The following XKR9 variants were observed in gnomAD, a reference collection of about 807,000 sequenced individuals.
XKR9 encodes XK-related protein 9.
XKR9 carries 32 observed loss-of-function variants against 32.0 expected under a neutral mutation model. The ratio of observed to expected loss-of-function variants is 1.00; its 90% CI spans 0.76 to 1.34. The LOEUF is 1.34. Among genes scored for constraint, XKR9 ranks in the 40% most tolerant of loss-of-function variants. The pLI is 0.00. For synonymous variants in XKR9, 168 were observed against 143.4 expected, an observed-to-expected ratio of 1.17 and a Z score of -1.22; for missense variants, 546 against 429.7, an observed-to-expected ratio of 1.27 and a Z score of -2.39.
At chr8:70,854,554 T>C in the XKR9 span, among the ~76,000 whole-genome samples, 1 of 152,222 alleles carries the variant, frequency 6.6e-6, no homozygotes, top group African/African-American at 2.4e-5. Context: ...ATTTTGTCTT[T>C]TGTTGCAATT....
In XKR9 at chr8:70,721,961, CT is replaced by C. The variant is rs560295325; in HGVS notation, c.494-11832del. On this transcript the variant is annotated intron_variant, in intron 4 of 4. Transcript: ENST00000408926. ...CTCTTTGTACATCTCTAAGAACTTG[CT>C]TTATGAATCTGGATGCTCCTGAATT... Among the ~76,000 whole-genome samples, 308 of 152,216 alleles carry C rather than the reference CT, an allele frequency of 2.0e-3. 1 individual carries two copies. The highest frequency in any genetic ancestry group is 7.1e-3 in the African/African-American group (295 of 41,528).
intron 3 of XKR9, among the ~76,000 whole-genome samples, chr8:70,696,096 G>A (rs1805264718): frequency 6.6e-6 from 1 of 151,094 alleles, no homozygotes; most frequent in African/African-American, 2.4e-5. Context: ...TTTGTCAGAT[G>A]AGTAGGTTGC....
At chr8:70,955,107 C>T in the XKR9 span, among the ~76,000 whole-genome samples, 3 of 152,236 alleles carry the variant, frequency 2.0e-5, no homozygotes, top group Admixed American at 1.3e-4. Context: ...TCAATTCCAA[C>T]TTCACCCGTG....
At chr8:70,854,182 G>A in the XKR9 span, among the ~76,000 whole-genome samples, 1 of 152,248 alleles carries the variant, frequency 6.6e-6, no homozygotes, top group South Asian at 2.1e-4. Flanking sequence ...ATCCTCTCCA[G>A]CACCTGTTGT....
chr8:71,047,288 C>T, the XKR9 span, among the ~76,000 whole-genome samples: 1 of 152,200 alleles, frequency 6.6e-6, no homozygotes, highest in Non-Finnish European at 1.5e-5. Context: ...TTGACTTTTA[C>T]TTTCTAATTA....
chr8:70,945,848 G>C, the XKR9 span, among the ~76,000 whole-genome samples: 1 of 152,182 alleles, frequency 6.6e-6, no homozygotes, highest in African/African-American at 2.4e-5. Context: ...TTGAAAAAGA[G>C]ACATGCGGCC....
the XKR9 span, among the ~76,000 whole-genome samples, chr8:70,883,363 T>C: frequency 6.6e-6 from 1 of 152,156 alleles, no homozygotes; most frequent in Non-Finnish European, 1.5e-5. Context: ...ACATTTTTTT[T>C]TAATCTACTT....
chr8:70,772,093 C>T (rs1807461313), intron 2 of XKR9, among the ~76,000 whole-genome samples: 1 of 152,052 alleles, frequency 6.6e-6, no homozygotes, highest in Admixed American at 6.6e-5. Flanking sequence ...TTGCATTATA[C>T]CTGATAAATT....
At chr8:70,994,052 C>T in the XKR9 span, among the ~76,000 whole-genome samples, 3 of 152,218 alleles carry the variant, frequency 2.0e-5, no homozygotes, top group East Asian at 5.8e-4. Context: ...GCCAAACCTG[C>T]CAGATCCTTG....
At chr8:70,889,729 C>T in the XKR9 span, among the ~76,000 whole-genome samples, 1 of 151,774 alleles carries the variant, frequency 6.6e-6, no homozygotes, top group Non-Finnish European at 1.5e-5. Flanking sequence ...GCTGCATACA[C>T]GTTGCTTCAA....
At chr8:70,806,349 G>A in the XKR9 span, among the ~76,000 whole-genome samples, 1 of 152,166 alleles carries the variant, frequency 6.6e-6, no homozygotes, top group Non-Finnish European at 1.5e-5. Context: ...AAAGGCCAGA[G>A]TGTCTCTTCT....
the XKR9 span, among the ~76,000 whole-genome samples, chr8:70,810,184 C>G: frequency 6.6e-6 from 1 of 152,146 alleles, no homozygotes; most frequent in Admixed American, 6.5e-5. Flanking sequence ...CATATCCAGC[C>G]AAACTAAGCT....
intron 2 of XKR9, among the ~76,000 whole-genome samples, chr8:70,788,000 C>A (rs770098999): frequency 2.0e-5 from 3 of 151,996 alleles, no homozygotes; most frequent in Non-Finnish European, 4.4e-5. Context: ...CTTAAGTTAA[C>A]TGAAGAAAAA....
the XKR9 span, among the ~76,000 whole-genome samples, chr8:70,823,843 A>G: frequency 6.6e-6 from 1 of 152,302 alleles, no homozygotes; most frequent in South Asian, 2.1e-4. Flanking sequence ...AGGGGTCTAT[A>G]TAGAAAAGTT....
At chr8:70,943,159 C>T in the XKR9 span, among the ~76,000 whole-genome samples, 2 of 152,100 alleles carry the variant, frequency 1.3e-5, no homozygotes, top group Admixed American at 1.3e-4. Context: ...AAAACCTATT[C>T]AGTATTATCT....
intron 2 of XKR9, among the ~76,000 whole-genome samples, chr8:70,758,216 T>C (rs1393432378): frequency 6.6e-6 from 1 of 152,118 alleles, no homozygotes; most frequent in Non-Finnish European, 1.5e-5. Context: ...TGTCGTTCCT[T>C]AGGGAGGCAC....
At chr8:70,701,318 C>T (rs763621920) in intron 3 of XKR9, among the ~76,000 whole-genome samples, 4 of 152,192 alleles carry the variant, frequency 2.6e-5, no homozygotes, top group Non-Finnish European at 2.9e-5. Context: ...TGTTCCTATT[C>T]GTCCATCTTG....
chr8:70,819,818 C>T, the XKR9 span, among the ~76,000 whole-genome samples: 1 of 152,136 alleles, frequency 6.6e-6, no homozygotes, highest in Non-Finnish European at 1.5e-5. Context: ...CACCTGTTTG[C>T]AGACAGAACA....
chr8:71,014,984 A>G, the XKR9 span, among the ~76,000 whole-genome samples: 2 of 152,144 alleles, frequency 1.3e-5, no homozygotes, highest in African/African-American at 4.8e-5. Context: ...ATCATTTCAG[A>G]TGTTGCTGGG....
Sources: gnomAD v4.1 joint callset for allele counts (sites outside exome capture counted in the v4.1 genomes callset) on GRCh38, gnomAD v4.1.1 for gene constraint, MANE v1.5 for transcripts, NCBI Gene and HGNC (gene_info 2026-07-23, HGNC 2026-07-21) for gene names.